The following GRXCR1 variants were observed in gnomAD, a reference collection of about 807,000 sequenced individuals.
GRXCR1 encodes glutaredoxin domain-containing cysteine-rich protein 1.
GRXCR1 carries 27 observed loss-of-function variants against 27.3 expected under a neutral mutation model. The ratio of observed to expected loss-of-function variants is 0.99; its 90% CI spans 0.73 to 1.37. The LOEUF (loss-of-function observed/expected upper bound fraction) is 1.37, where lower values mean the gene tolerates loss of function less well. Among genes scored for constraint, GRXCR1 ranks in the 40% most tolerant of loss-of-function variants. GRXCR1 has a pLI of 0.00. For missense variants in GRXCR1, 379 were observed against 354.4 expected, an observed-to-expected ratio of 1.07 and a Z score of -0.56; for synonymous variants, 122 against 131.1, an observed-to-expected ratio of 0.93 and a Z score of 0.47.
intron 1 of GRXCR1, among the ~76,000 whole-genome samples, chr4:42,937,768 A>G (rs1486453432): frequency 6.6e-6 from 1 of 151,968 alleles, no homozygotes; most frequent in Non-Finnish European, 1.5e-5. Flanking sequence ...ATTGTAACAT[A>G]TGTTTTTAAA....
intron 1 of GRXCR1, among the ~76,000 whole-genome samples, chr4:42,895,813 C>G (rs890438623): frequency 6.6e-6 from 1 of 152,096 alleles, no homozygotes; most frequent in African/African-American, 2.4e-5. Flanking sequence ...AGAGAAGCCC[C>G]AGGGGCTAGA....
At chr4:42,933,103 T>A (rs747081) in intron 1 of GRXCR1, among the ~76,000 whole-genome samples, 21,151 of 151,794 alleles carry the variant, frequency 0.14, 1,586 homozygotes, top group Non-Finnish European at 0.16. Context: ...GTAAAGAGAA[T>A]TAGGCAGACA....
At chr4:42,930,145 A>G (rs1747269998) in intron 1 of GRXCR1, among the ~76,000 whole-genome samples, 1 of 152,046 alleles carries the variant, frequency 6.6e-6, no homozygotes, top group Admixed American at 6.6e-5. Context: ...TTCTCTTAAA[A>G]TGCAATTAAC....
chr4:42,956,049 G>A (rs1284947575), intron 1 of GRXCR1, among the ~76,000 whole-genome samples: 3 of 152,014 alleles, frequency 2.0e-5, no homozygotes, highest in Admixed American at 2.0e-4. Flanking sequence ...TTGTGCTGTG[G>A]CTACTGCAGG....
At chr4:43,009,907 T>C (rs1348032971) in intron 2 of GRXCR1, among the ~76,000 whole-genome samples, 1 of 152,210 alleles carries the variant, frequency 6.6e-6, no homozygotes, top group Non-Finnish European at 1.5e-5. Context: ...ATCATCCATA[T>C]GAATCATAAG....
chr4:42,923,278 A>C (rs1241967109), intron 1 of GRXCR1, among the ~76,000 whole-genome samples: 1 of 152,150 alleles, frequency 6.6e-6, no homozygotes, highest in Non-Finnish European at 1.5e-5. Flanking sequence ...AGGATATGTG[A>C]TAACTGAGCT....
At chr4:42,923,350 A>C (rs2109752071) in intron 1 of GRXCR1, among the ~76,000 whole-genome samples, 1 of 152,200 alleles carries the variant, frequency 6.6e-6, no homozygotes, top group South Asian at 2.1e-4. Context: ...TAGGTACCTT[A>C]TGTGCTTACA....
chr4:42,969,671 A>G (rs878942531), intron 2 of GRXCR1, among the ~76,000 whole-genome samples: 6 of 152,198 alleles, frequency 3.9e-5, no homozygotes, highest in African/African-American at 1.4e-4. Flanking sequence ...CCATGATTCA[A>G]TCACCTCCCA....
chr4:42,899,774 T>G (rs1032721314), intron 1 of GRXCR1, among the ~76,000 whole-genome samples: 2 of 152,168 alleles, frequency 1.3e-5, no homozygotes, highest in African/African-American at 4.8e-5. Context: ...TCAATTAATA[T>G]CTAAGTTGGA....
chr4:42,896,746 T>A (rs907913810), intron 1 of GRXCR1, among the ~76,000 whole-genome samples: 3 of 152,058 alleles, frequency 2.0e-5, no homozygotes, highest in African/African-American at 7.2e-5. Context: ...TTCCCAAGGG[T>A]AAATAAAAAT....
chr4:42,909,675 A>G (rs1323262227), intron 1 of GRXCR1, among the ~76,000 whole-genome samples: 1 of 151,856 alleles, frequency 6.6e-6, no homozygotes, highest in Non-Finnish European at 1.5e-5. Flanking sequence ...ATATGAAGAA[A>G]CTCTTCCTAT....
intron 1 of GRXCR1, among the ~76,000 whole-genome samples, chr4:42,924,777 T>C (rs939237298): frequency 5.3e-5 from 8 of 151,996 alleles, no homozygotes; most frequent in Non-Finnish European, 7.4e-5. Flanking sequence ...TCATGATAAA[T>C]GCTCTGAAGC....
At chr4:43,002,428 C>T (rs999314555) in intron 2 of GRXCR1, among the ~76,000 whole-genome samples, 2 of 152,162 alleles carry the variant, frequency 1.3e-5, no homozygotes, top group Non-Finnish European at 2.9e-5. Flanking sequence ...TAAGAAGGCA[C>T]GTCCTGCACA....
At chr4:42,983,838 C>CTTTT (rs201795629) in intron 2 of GRXCR1, among the ~76,000 whole-genome samples, 4 of 135,940 alleles carry the variant, frequency 2.9e-5, no homozygotes, top group Admixed American at 7.3e-5. Context: ...GATTTTCTTT[C>CTTTT]TTTTTTTTTT....
intron 1 of GRXCR1, among the ~76,000 whole-genome samples, chr4:42,906,465 C>G (rs919829678): frequency 1.3e-5 from 2 of 152,134 alleles, no homozygotes; most frequent in African/African-American, 4.8e-5. Context: ...TCCCACAGCT[C>G]TTTCCTTTAC....
chr4:42,907,363 T>C (rs767034194), intron 1 of GRXCR1, among the ~76,000 whole-genome samples: 65 of 152,192 alleles, frequency 4.3e-4, no homozygotes, highest in Non-Finnish European at 7.9e-4. Flanking sequence ...TCACAGTTAA[T>C]GGGAGAGTTA....
At chr4:42,976,859 C>T (rs1183928812) in intron 2 of GRXCR1, among the ~76,000 whole-genome samples, 3 of 151,854 alleles carry the variant, frequency 2.0e-5, no homozygotes, top group African/African-American at 4.8e-5. Context: ...GAGAATGCAA[C>T]GTATTGTTAT....
intron 2 of GRXCR1, among the ~76,000 whole-genome samples, chr4:42,989,296 C>T (rs899241009): frequency 3.3e-5 from 5 of 152,062 alleles, no homozygotes; most frequent in South Asian, 4.2e-4. Flanking sequence ...GGTGTCCTCA[C>T]GTGGCCTTTT....
intron 2 of GRXCR1, among the ~76,000 whole-genome samples, chr4:43,018,257 G>A (rs1022785383): frequency 1.3e-5 from 2 of 152,172 alleles, no homozygotes; most frequent in Admixed American, 6.5e-5. Flanking sequence ...GGGCAGGTAG[G>A]GTTGTGGAGG....
Sources: gnomAD v4.1 joint callset for allele counts (sites outside exome capture counted in the v4.1 genomes callset) on GRCh38, gnomAD v4.1.1 for gene constraint, MANE v1.5 for transcripts, NCBI Gene and HGNC (gene_info 2026-07-23, HGNC 2026-07-21) for gene names.